Variants in LIMCH1 observed in about 807,000 individuals in gnomAD.
LIMCH1 encodes LIM and calponin homology domains 1.
LIMCH1 carries 113 observed loss-of-function variants against 176.5 expected under a neutral mutation model. The ratio of observed to expected loss-of-function variants is 0.64; its 90% CI spans 0.55 to 0.75. The LOEUF is 0.75. LIMCH1 is among the 30% of genes least tolerant of loss of function. The pLI, the probability that LIMCH1 is intolerant of heterozygous loss-of-function variation, is 0.00. For missense variants in LIMCH1, 1,674 were observed against 1,814.9 expected (o/e 0.92, Z 1.41); for synonymous variants, 619 against 645.9 (o/e 0.96, Z 0.63).
chr4:41,619,262 C>A lies in LIMCH1; in HGVS notation c.280C>A (p.Arg94=). The A allele has an allele frequency of 6.2e-7, 1 of 1,614,218 alleles. No homozygotes were observed. Among genetic ancestry groups the A allele is most frequent in the South Asian group, 1.1e-5 (1 of 91,086 alleles). The change falls in exon 6 of 32, where the codon CGG becomes AGG. Residue 94 remains arginine (R), a synonymous_variant. Transcript: ENST00000503057. ...TGTGAAGAAGGATGACATGTCTGCA[C>A]GGCGGACTTCCCATGGTGAGCCGAA... ...PDVKKDDMSA[R]RTSHGEPKSA...
chr4:41,399,854 T>G (rs2058207879), intron 1 of LIMCH1, among the ~76,000 whole-genome samples: 1 of 148,494 alleles, frequency 6.7e-6, no homozygotes. Flanking sequence ...TTTTTTTTTT[T>G]TGTATTTTTA....
chr4:41,692,377 A>G lies in LIMCH1; in HGVS notation c.4371A>G (p.Arg1457=). 1 of 1,603,304 alleles carries G rather than the reference A, an allele frequency of 6.2e-7. No homozygotes were observed. The highest frequency in any genetic ancestry group is 8.5e-7 in the Non-Finnish European group (1 of 1,170,300). ...TGAACTGTAATGATTGCTACATGCG[A>G]TCCAGAAGTAAGTACTGGGGAGAAT... is the stretch of plus-strand genomic sequence containing the variant. ...GLLNCNDCYM[R]SRSAGQPTTL is the part of the protein sequence containing the mutation. Residue 1457 remains arginine (R), a synonymous_variant, in exon 31 of 32, where the codon CGA becomes CGG. Transcript: ENST00000503057.
intron 18 of LIMCH1, among the ~76,000 whole-genome samples, chr4:41,654,846 C>T (rs1274480717): frequency 6.6e-6 from 1 of 152,116 alleles, no homozygotes; most frequent in Non-Finnish European, 1.5e-5. Context: ...AATCCCTTTG[C>T]CCCCAATTAT....
intron 2 of LIMCH1, among the ~76,000 whole-genome samples, chr4:41,502,987 A>G (rs2073593080): frequency 8.8e-6 from 1 of 113,088 alleles, no homozygotes; most frequent in African/African-American, 3.2e-5. Context: ...GTGTTATCTG[A>G]CTGGTCTGTC....
At chr4:41,494,509 G>C (rs769384585) in intron 1 of LIMCH1, 2 of 1,577,000 alleles carry the variant, frequency 1.3e-6, no homozygotes, top group East Asian at 2.2e-5. Context: ...AAAAACTTAT[G>C]TGCTCTTTTT....
Position 41,661,505 on chromosome 4 carries a change from C to T in LIMCH1, c.3122C>T (p.Ser1041Leu), listed in dbSNP as rs137981090. Residue 1041 changes from serine (S) to leucine (L), a missense_variant, in exon 19 of 32, where the codon TCA (serine) becomes TTA (leucine). This residue lies in a region of LIMCH1 where 1,015 missense variants were observed against 1,102.5 expected (regional missense o/e 0.92). Coordinates refer to ENST00000503057, the MANE Select transcript of LIMCH1 (RefSeq NM_001330672.2). ...AGAAAAGGGAATATAGAACTTGCCTCATCAGGTTTGTTTCATAAGAGACTA... is the reference window on the plus strand; with the variant it reads ...AGAAAAGGGAATATAGAACTTGCCTTATCAGGTTTGTTTCATAAGAGACTA... ...KSRKGNIELA[S>L]SEPQHFTTTV... 622 of 1,603,918 alleles carry T rather than the reference C, an allele frequency of 3.9e-4. 3 individuals carry two copies. The African/African-American group carries it at 6.1e-3, about 16-fold the overall frequency.
Position 41,662,961 on chromosome 4 carries a change from G to T in LIMCH1, c.3268G>T (p.Val1090Leu). The change falls in exon 20 of 32, where the codon GTG becomes TTG. Residue 1090 changes from valine to leucine, a missense_variant. Physicochemically the swap from Val to Leu is conservative, Grantham distance 32. Transcript: ENST00000503057. ...ACCAGAAAATGAAATGAGTGGAAAG[G>T]TGGAGTTGGTGCTGTCACAAAAGGT... Reference protein sequence around the residue: ...KKPENEMSGKVELVLSQKVVK... With the variant: ...KKPENEMSGKLELVLSQKVVK... 3 of 1,613,862 alleles carry T rather than the reference G, an allele frequency of 1.9e-6. No homozygotes were observed. The highest frequency in any genetic ancestry group is 2.5e-6 in the Non-Finnish European group (3 of 1,179,860).
chr4:41,470,321 G>T (rs1227380793), intron 1 of LIMCH1, among the ~76,000 whole-genome samples: 2 of 152,156 alleles, frequency 1.3e-5, no homozygotes, highest in Non-Finnish European at 2.9e-5. Context: ...CCTTTGCAAT[G>T]GATGATCTCT....
intron 31 of LIMCH1, among the ~76,000 whole-genome samples, 190 bp from the exon 32 acceptor site, chr4:41,696,970 A>G (rs191649275): frequency 6.2e-4 from 94 of 152,266 alleles, no homozygotes; most frequent in African/African-American, 2.1e-3. Flanking sequence ...CGGATTTCAA[A>G]CAGACTCCAG....
intron 1 of LIMCH1, among the ~76,000 whole-genome samples, chr4:41,442,579 G>C (rs1185312620): frequency 6.6e-6 from 1 of 152,130 alleles, no homozygotes; most frequent in Admixed American, 6.5e-5. Context: ...CATCTGTGTG[G>C]GTTACCATTG....
At chr4:41,692,573 A>G (rs1726961367) in intron 31 of LIMCH1, 189 bp downstream of exon 31, 3 of 522,198 alleles carry the variant, frequency 5.7e-6, no homozygotes, top group Admixed American at 3.3e-5. Flanking sequence ...TATTGCTACA[A>G]TGTGGACCAA....
intron 18 of LIMCH1, among the ~76,000 whole-genome samples, chr4:41,655,683 T>C (rs976802173): frequency 1.3e-5 from 2 of 151,986 alleles, no homozygotes; most frequent in Non-Finnish European, 2.9e-5. Flanking sequence ...CTTTTTTTTT[T>C]CGTCTTTCCC....
chr4:41,606,800 A>AT (rs2090782442), intron 4 of LIMCH1, among the ~76,000 whole-genome samples: 3 of 151,922 alleles, frequency 2.0e-5, no homozygotes, highest in Non-Finnish European at 4.4e-5. Flanking sequence ...GTACTTTTTT[A>AT]ATTATTTTAT....
intron 1 of LIMCH1, among the ~76,000 whole-genome samples, chr4:41,579,334 C>T (rs776139216): frequency 4.6e-5 from 7 of 152,168 alleles, no homozygotes; most frequent in Non-Finnish European, 7.3e-5. Flanking sequence ...CTGATCCTTA[C>T]GCAGTGGCAT....
At chr4:41,435,485 T>C (rs2061995502) in intron 1 of LIMCH1, among the ~76,000 whole-genome samples, 1 of 152,230 alleles carries the variant, frequency 6.6e-6, no homozygotes, top group Admixed American at 6.5e-5. Flanking sequence ...CTAAACTTAA[T>C]GTGGTAACTT....
chr4:41,573,731 A>G (rs1218419382), intron 1 of LIMCH1, among the ~76,000 whole-genome samples: 1 of 152,138 alleles, frequency 6.6e-6, no homozygotes, highest in African/African-American at 2.4e-5. Context: ...TTTTAGGACA[A>G]ATTCCCAGCA....
intron 1 of LIMCH1, among the ~76,000 whole-genome samples, chr4:41,598,137 A>G (rs2089261815): frequency 6.6e-6 from 1 of 152,202 alleles, no homozygotes; most frequent in Non-Finnish European, 1.5e-5. Context: ...TGTAGCTGGT[A>G]AACTTCTTGA....
At chr4:41,416,422 T>A (rs1581795139) in intron 1 of LIMCH1, among the ~76,000 whole-genome samples, 1 of 151,654 alleles carries the variant, frequency 6.6e-6, no homozygotes, top group Non-Finnish European at 1.5e-5. Flanking sequence ...GAGGCTGAGG[T>A]GGGTGGATCA....
chr4:41,477,300 T>C (rs2067895695), intron 1 of LIMCH1, among the ~76,000 whole-genome samples: 1 of 152,168 alleles, frequency 6.6e-6, no homozygotes, highest in African/African-American at 2.4e-5. Flanking sequence ...GTGGACTCTA[T>C]GGGCTTGGGT....
Sources: allele counts gnomAD v4.1 joint callset (sites outside exome capture counted in the v4.1 genomes callset), GRCh38; gene constraint gnomAD v4.1.1; regional missense constraint gnomAD v4.1.1; transcripts MANE v1.5; gene names NCBI Gene and HGNC (gene_info 2026-07-23, HGNC 2026-07-21).